GALNT16: variants seen among roughly 807,000 people sequenced by gnomAD.
GALNT16 encodes the protein polypeptide N-acetylgalactosaminyltransferase 16, also known as UDP-GalNAc:polypeptide N-acetylgalactosaminyltransferase-like protein 1.
A neutral mutation model predicts 76.1 loss-of-function variants in GALNT16; 40 were observed. That is an observed-to-expected ratio of 0.53 (90% CI 0.41 to 0.68). The LOEUF (loss-of-function observed/expected upper bound fraction) is 0.68, where lower values mean the gene tolerates loss of function less well. GALNT16 is among the 30% of genes least tolerant of loss of function. The probability of loss-of-function intolerance (pLI) is 0.00; values close to 1 mark genes in which losing one functional copy is unlikely to be tolerated. For synonymous variants in GALNT16, 276 were observed against 285.2 expected, an observed-to-expected ratio of 0.97 and a Z score of 0.32; for missense variants, 621 against 731.9, an observed-to-expected ratio of 0.85 and a Z score of 1.75.
In GALNT16 at chr14:69,354,041, CA is replaced by C. The variant is rs1464039052; in HGVS notation, c.*1874del. The C allele has an allele frequency of 1.3e-5, 2 of 152,518 alleles. No individual in the cohort carries two copies. The highest frequency in any genetic ancestry group is 4.8e-5 in the African/African-American group (2 of 41,476). 9.4% of individuals were successfully genotyped at this position (152,518 alleles called of 1,614,324 possible). A position where few individuals can be genotyped will look rare whatever the true frequency, so the allele number is the denominator to read the frequency against. Reference sequence around the variant, plus strand: ...GCGCAGGCCCCTTCGCTCCCAGGGCCATGCTTTGCCTGTCCTCTGTCGTGAT... The same window carrying C: ...GCGCAGGCCCCTTCGCTCCCAGGGCCTGCTTTGCCTGTCCTCTGTCGTGAT... On this transcript the variant is annotated 3_prime_UTR_variant, in exon 15 of 15. Transcript: ENST00000448469.
the GALNT16 span, among the ~76,000 whole-genome samples, chr14:69,384,653 TATAA>T: frequency 6.6e-6 from 1 of 152,216 alleles, no homozygotes; most frequent in East Asian, 1.9e-4. Flanking sequence ...AGCTCTGTAA[TATAA>T]ATAAGGGAAA....
chr14:69,386,217 C>A, the GALNT16 span, among the ~76,000 whole-genome samples: 1 of 152,194 alleles, frequency 6.6e-6, no homozygotes. Flanking sequence ...CAGCCACATT[C>A]CATGATTGGC....
intron 1 of GALNT16, among the ~76,000 whole-genome samples, chr14:69,286,725 GGATGGGTTGACT>G (rs1473563901): frequency 9.2e-5 from 14 of 152,198 alleles, no homozygotes; most frequent in African/African-American, 3.4e-4. Flanking sequence ...CAAAAAATCA[GGATGGGTTGACT>G]GACAGATGAA....
chr14:69,326,172 C>T (rs1469100810), intron 5 of GALNT16, 145 bp downstream of exon 5: 3 of 703,598 alleles, frequency 4.3e-6, no homozygotes, highest in Admixed American at 2.0e-5. Context: ...CTGCAGAAGA[C>T]TCTCCTCCTT....
intron 2 of GALNT16, among the ~76,000 whole-genome samples, chr14:69,323,954 C>G (rs931797171): frequency 6.6e-6 from 1 of 152,168 alleles, no homozygotes; most frequent in Non-Finnish European, 1.5e-5. Context: ...TAAATGCATA[C>G]GCAGAAACAA....
At chr14:69,334,369 A>C (rs912458237) in intron 9 of GALNT16, among the ~76,000 whole-genome samples, 6 of 152,244 alleles carry the variant, frequency 3.9e-5, no homozygotes, top group African/African-American at 1.2e-4. Context: ...TCTGGACTCC[A>C]GTATGTGTGG....
chr14:69,380,894 A>T, the GALNT16 span, among the ~76,000 whole-genome samples: 2 of 152,250 alleles, frequency 1.3e-5, no homozygotes, highest in African/African-American at 4.8e-5. Context: ...AATATGTTAC[A>T]TATCTACTTC....
chr14:69,332,200 A>T (rs1285939540), intron 7 of GALNT16, among the ~76,000 whole-genome samples: 1 of 152,228 alleles, frequency 6.6e-6, no homozygotes, highest in Non-Finnish European at 1.5e-5. Flanking sequence ...ATTTCGTCCA[A>T]ATTAATTTCA....
Position 69,336,042 on chromosome 14 carries a change from C to A in GALNT16, c.967+2442C>A, listed in dbSNP as rs894488752. On this transcript the variant is annotated intron_variant, in intron 9 of 14. Transcript: ENST00000448469. ...GCTACAGGGTATCTGCCTTTCCCTG[C>A]AGCCCCGCAGCCACACCCCTGCCCT... Among the ~76,000 whole-genome samples the A allele has an allele frequency of 3.3e-5, 5 of 152,208 alleles. No homozygotes were observed. The East Asian group carries it at 9.6e-4, about 29-fold the overall frequency.
At chr14:69,368,658 G>C in the GALNT16 span, among the ~76,000 whole-genome samples, 1 of 152,174 alleles carries the variant, frequency 6.6e-6, no homozygotes, top group African/African-American at 2.4e-5. Flanking sequence ...GTTTACACGA[G>C]GGCTTGACTA....
intron 1 of GALNT16, among the ~76,000 whole-genome samples, chr14:69,272,477 A>G: frequency 6.6e-6 from 1 of 152,234 alleles, no homozygotes; most frequent in Non-Finnish European, 1.5e-5. Flanking sequence ...CATATATGAC[A>G]GTGGTCCCAT....
chr14:69,368,856 G>A, the GALNT16 span, among the ~76,000 whole-genome samples: 1 of 152,190 alleles, frequency 6.6e-6, no homozygotes, highest in African/African-American at 2.4e-5. Context: ...CATCCCTGTG[G>A]GAAAGAGCTG....
intron 5 of GALNT16, among the ~76,000 whole-genome samples, chr14:69,326,498 G>T (rs936711929): frequency 1.3e-5 from 2 of 152,216 alleles, no homozygotes; most frequent in Non-Finnish European, 2.9e-5. Context: ...TAGCCAAGGG[G>T]TCAGAATCCA....
chr14:69,347,305 A>G, intron 13 of GALNT16, 124 bp downstream of exon 13: 4 of 966,982 alleles, frequency 4.1e-6, no homozygotes, highest in Non-Finnish European at 4.5e-6. Context: ...CCACTTTGCC[A>G]GGGGCCCCTA....
chr14:69,295,656 GT>G (rs2044750126), intron 1 of GALNT16, among the ~76,000 whole-genome samples: 1 of 152,042 alleles, frequency 6.6e-6, no homozygotes, highest in Non-Finnish European at 1.5e-5. Context: ...GGGGGCAGAG[GT>G]TACAGTGAGC....
At position 69,298,017 on chromosome 14, in the gene GALNT16, A is replaced by C. The variant is rs551460806; in HGVS notation, c.178-22694A>C. Among the ~76,000 whole-genome samples, 4 of 152,356 alleles carry C rather than the reference A, an allele frequency of 2.6e-5. No homozygotes were observed. The East Asian group carries it at 7.7e-4, about 29-fold the overall frequency. On this transcript the variant is annotated intron_variant, in intron 1 of 14. Transcript: ENST00000448469. The stretch of plus-strand genomic sequence containing the variant: ...TCAGAGAGGTTAAGTAATTTGCCTC[A>C]TGTTAAACAGGTAGCAACTGAAAAA...
intron 2 of GALNT16, among the ~76,000 whole-genome samples, chr14:69,323,099 C>G (rs1435505537): frequency 6.6e-6 from 1 of 152,156 alleles, no homozygotes; most frequent in Admixed American, 6.5e-5. Context: ...CTCTTCCTTG[C>G]AGCCCTGCAG....
chr14:69,263,155 G>A (rs1363008751), intron 1 of GALNT16, among the ~76,000 whole-genome samples: 1 of 152,118 alleles, frequency 6.6e-6, no homozygotes, highest in Non-Finnish European at 1.5e-5. Flanking sequence ...GCACAGCAAG[G>A]CTTCTTAAAG....
chr14:69,365,988 G>A, the GALNT16 span, among the ~76,000 whole-genome samples: 5 of 152,172 alleles, frequency 3.3e-5, no homozygotes, highest in African/African-American at 1.2e-4. Flanking sequence ...GATAGTAATA[G>A]GTGTTATGTA....
Sources: allele counts gnomAD v4.1 joint callset (sites outside exome capture counted in the v4.1 genomes callset), GRCh38; gene constraint gnomAD v4.1.1; transcripts MANE v1.5; gene names NCBI Gene and HGNC (gene_info 2026-07-23, HGNC 2026-07-21).